The following CIROZ variants were observed in gnomAD, a reference collection of about 807,000 sequenced individuals.
CIROZ encodes ciliated left-right organizer protein containing ZP-N domains.
chr1:10,959,997 A>G, the CIROZ span, among the ~76,000 whole-genome samples: 1 of 152,182 alleles, frequency 6.6e-6, no homozygotes, highest in Non-Finnish European at 1.5e-5. This position sits in a 1 kb window ranked among gnomAD's most constrained non-coding sequence, Gnocchi z 4.3. Flanking sequence ...AAGCTGCACC[A>G]TGGTGCCCCA....
chr1:10,952,237 G>A, the CIROZ span, among the ~76,000 whole-genome samples: 1 of 152,262 alleles, frequency 6.6e-6, no homozygotes, highest in African/African-American at 2.4e-5. Flanking sequence ...GTGCAGGGGA[G>A]GTGTGCTGGG....
At chr1:10,948,389 G>A in the CIROZ span, 3 of 1,613,246 alleles carry the variant, frequency 1.9e-6, no homozygotes, top group Non-Finnish European at 1.7e-6. Context: ...CACTGGCTTG[G>A]CCGGGCTCCC....
chr1:10,964,209 A>C, the CIROZ span: 41 of 1,613,804 alleles, frequency 2.5e-5, no homozygotes, highest in Non-Finnish European at 3.2e-5. Context: ...TGTAGCGATC[A>C]CTCCGCTCCA....
chr1:10,957,584 C>T, the CIROZ span: 2 of 1,611,512 alleles, frequency 1.2e-6, no homozygotes, highest in Non-Finnish European at 1.7e-6. Flanking sequence ...AGGCCCCTCA[C>T]CTCCTGGCAG....
At chr1:10,966,237 C>T in the CIROZ span, 1 of 1,291,634 alleles carries the variant, frequency 7.7e-7, no homozygotes, top group Non-Finnish European at 1.0e-6. Flanking sequence ...TTCTGGTCTC[C>T]CTCAGCTCAG....
the CIROZ span, among the ~76,000 whole-genome samples, chr1:10,963,127 A>G: frequency 6.6e-6 from 1 of 151,880 alleles, no homozygotes; most frequent in Admixed American, 6.6e-5. Context: ...AGTGGCTCCC[A>G]CCTGTAATCC....
At chr1:10,947,914 G>A in the CIROZ span, 2 of 1,613,792 alleles carry the variant, frequency 1.2e-6, no homozygotes, top group South Asian at 2.2e-5. Context: ...TGGCCCACAG[G>A]CCAGCCAGGG....
the CIROZ span, among the ~76,000 whole-genome samples, chr1:10,979,472 G>A: frequency 6.6e-6 from 1 of 152,150 alleles, no homozygotes; most frequent in East Asian, 1.9e-4. Context: ...AGAATGTGGA[G>A]CATTGAGAAA....
the CIROZ span, chr1:10,970,137 GAAGGAAGGAAGGAAGGAAGA>G: frequency 5.2e-6 from 7 of 1,337,172 alleles, no homozygotes; most frequent in Admixed American, 2.7e-5. Context: ...AGGGAGGGAG[GAAGGAAGGAAGGAAGGAAGA>G]AAGGAAGGAA....
At chr1:10,957,655 G>A in the CIROZ span, 60 of 1,614,028 alleles carry the variant, frequency 3.7e-5, no homozygotes, top group South Asian at 6.6e-5. Context: ...GGCTTTGGAC[G>A]GTGACAGTGG....
At chr1:10,967,159 A>G in the CIROZ span, among the ~76,000 whole-genome samples, 23 of 45,678 alleles carry the variant, frequency 5.0e-4, no homozygotes, top group Non-Finnish European at 7.3e-4. Flanking sequence ...AAAAAAGAAA[A>G]AAAAAAAAAA....
At chr1:10,969,850 G>T in the CIROZ span, 1 of 1,380,062 alleles carries the variant, frequency 7.2e-7, no homozygotes, top group Non-Finnish European at 9.4e-7. Flanking sequence ...TGGCCTTTGA[G>T]CAGAGATTTG....
chr1:10,955,080 G>A, the CIROZ span: 5 of 1,613,964 alleles, frequency 3.1e-6, no homozygotes, highest in Non-Finnish European at 4.2e-6. Context: ...GGTGGACTCG[G>A]AGGAATCTGA....
At chr1:10,976,104 T>A in the CIROZ span, 1 of 1,468,118 alleles carries the variant, frequency 6.8e-7, no homozygotes, top group South Asian at 1.2e-5. Flanking sequence ...AGTCTGCTCA[T>A]TGGGGAAATA....
chr1:10,966,511 G>T, the CIROZ span: 1 of 1,513,972 alleles, frequency 6.6e-7, no homozygotes, highest in Non-Finnish European at 8.8e-7. Context: ...AGAAACGTGG[G>T]TTGAGCCTGT....
chr1:10,972,559 A>G, the CIROZ span, among the ~76,000 whole-genome samples: 53 of 152,334 alleles, frequency 3.5e-4, no homozygotes, highest in Admixed American at 3.5e-3. Flanking sequence ...GCCACCAGGA[A>G]GAACACAAGG....
the CIROZ span, among the ~76,000 whole-genome samples, chr1:10,972,420 T>TATACACACAC: frequency 2.3e-5 from 3 of 131,724 alleles, no homozygotes; most frequent in Admixed American, 7.6e-5. Flanking sequence ...GTCTCTGAAA[T>TATACACACAC]ACACACACAC....
the CIROZ span, chr1:10,958,652 C>T: frequency 6.3e-7 from 1 of 1,588,912 alleles, no homozygotes; most frequent in Non-Finnish European, 8.6e-7. Flanking sequence ...TCCTGAGCAC[C>T]CACCAGTCCT....
the CIROZ span, among the ~76,000 whole-genome samples, chr1:10,969,682 C>CCGTG: frequency 1.3e-5 from 2 of 152,174 alleles, no homozygotes; most frequent in African/African-American, 2.4e-5. Flanking sequence ...AGCACGTGGG[C>CCGTG]CGTGCCCTCA....
Sources: gnomAD v4.1 joint callset for allele counts (sites outside exome capture counted in the v4.1 genomes callset) on GRCh38, gnomAD v4.1.1 for gene constraint, Gnocchi (gnomAD v3.1) non-coding constraint, MANE v1.5 for transcripts, NCBI Gene and HGNC (gene_info 2026-07-23, HGNC 2026-07-21) for gene names.